SAMD12: variants seen among roughly 807,000 people sequenced by gnomAD.
SAMD12 encodes sterile alpha motif domain containing 12.
SAMD12 carries 9 observed loss-of-function variants against 15.0 expected under a neutral mutation model. The ratio of observed to expected loss-of-function variants is 0.60; its 90% CI spans 0.36 to 1.05. The LOEUF is 1.05. SAMD12 is among the 50% of genes least tolerant of loss of function. The pLI is 0.01. For synonymous variants in SAMD12, 86 were observed against 90.1 expected (o/e 0.96, Z 0.25); for missense variants, 230 against 234.2 (o/e 0.98, Z 0.12).
chr8:118,230,508 G>T (rs1179730805), intron 4 of SAMD12, among the ~76,000 whole-genome samples: 1 of 152,092 alleles, frequency 6.6e-6, no homozygotes, highest in East Asian at 1.9e-4. Flanking sequence ...CTTCCCTGGT[G>T]GGTCTGATGT....
chr8:118,415,053 G>A (rs1398899947), intron 3 of SAMD12, among the ~76,000 whole-genome samples: 1 of 152,146 alleles, frequency 6.6e-6, no homozygotes, highest in African/African-American at 2.4e-5. Context: ...ATTATCCCAG[G>A]AATAACTGGG....
intron 4 of SAMD12, among the ~76,000 whole-genome samples, chr8:118,368,392 A>C (rs532926511): frequency 6.6e-6 from 1 of 152,324 alleles, no homozygotes; most frequent in South Asian, 2.1e-4. Context: ...CGCTGAGCTC[A>C]TGGTCATAGA....
intron 2 of SAMD12, among the ~76,000 whole-genome samples, chr8:118,455,429 G>A (rs888314416): frequency 2.6e-5 from 4 of 151,826 alleles, no homozygotes; most frequent in Non-Finnish European, 5.9e-5. Flanking sequence ...TCTCTCTACC[G>A]CACTAGTTAG....
chr8:118,328,333 C>T (rs1229965991), intron 4 of SAMD12, among the ~76,000 whole-genome samples: 1 of 152,202 alleles, frequency 6.6e-6, no homozygotes, highest in Non-Finnish European at 1.5e-5. Flanking sequence ...CTCTATTACA[C>T]TGCTATTCTC....
intron 4 of SAMD12, among the ~76,000 whole-genome samples, chr8:118,216,984 C>T (rs1239452686): frequency 6.6e-6 from 1 of 152,162 alleles, no homozygotes; most frequent in East Asian, 1.9e-4. Context: ...ATCGTTTAGG[C>T]CCTTGTGGTG....
At chr8:118,214,206 G>A (rs1321947302) in intron 4 of SAMD12, among the ~76,000 whole-genome samples, 5 of 152,172 alleles carry the variant, frequency 3.3e-5, no homozygotes, top group African/African-American at 7.2e-5. Context: ...ATATCGTGTC[G>A]ATAGAATAAA....
chr8:118,246,377 A>G (rs1563713809), intron 4 of SAMD12, among the ~76,000 whole-genome samples: 3 of 152,022 alleles, frequency 2.0e-5, no homozygotes, highest in East Asian at 3.9e-4. Flanking sequence ...AGAAAGAGAC[A>G]TTTTTTCTTT....
chr8:118,550,831 A>T (rs1394994891), intron 2 of SAMD12, among the ~76,000 whole-genome samples: 1 of 151,390 alleles, frequency 6.6e-6, no homozygotes, highest in Non-Finnish European at 1.5e-5. Context: ...AGGATGGAGG[A>T]AGATCTACCA....
chr8:118,246,408 A>C (rs1812699945), intron 4 of SAMD12, among the ~76,000 whole-genome samples: 1 of 152,164 alleles, frequency 6.6e-6, no homozygotes. Flanking sequence ...ATCAGTGAAG[A>C]AACTTGTGCT....
At chr8:118,450,909 C>T (rs1823060823) in intron 2 of SAMD12, among the ~76,000 whole-genome samples, 1 of 152,098 alleles carries the variant, frequency 6.6e-6, no homozygotes, top group African/African-American at 2.4e-5. Context: ...TGTGGTCAAG[C>T]CTGACCAAAT....
intron 4 of SAMD12, among the ~76,000 whole-genome samples, chr8:118,346,455 G>C (rs1442706738): frequency 1.3e-5 from 2 of 152,106 alleles, no homozygotes; most frequent in Non-Finnish European, 2.9e-5. Context: ...TGAGCCTTCG[G>C]AACCCTAACA....
intron 4 of SAMD12, among the ~76,000 whole-genome samples, chr8:118,228,329 G>A (rs1013033114): frequency 2.6e-5 from 4 of 151,976 alleles, no homozygotes; most frequent in East Asian, 1.9e-4. Flanking sequence ...AGGAACAGTC[G>A]GCAGAGTCAA....
intron 2 of SAMD12, among the ~76,000 whole-genome samples, chr8:118,496,229 C>G (rs1429756341): frequency 6.6e-6 from 1 of 152,030 alleles, no homozygotes; most frequent in Non-Finnish European, 1.5e-5. Flanking sequence ...TCATATGGAA[C>G]AAAATAATAA....
intron 4 of SAMD12, among the ~76,000 whole-genome samples, chr8:118,271,517 GT>G (rs1037185730): frequency 7.9e-5 from 12 of 151,990 alleles, no homozygotes; most frequent in African/African-American, 2.2e-4. Flanking sequence ...CCTTTCAAGA[GT>G]CCCCCAAAGT....
At chr8:118,428,703 T>C (rs1822311069) in intron 3 of SAMD12, among the ~76,000 whole-genome samples, 1 of 152,160 alleles carries the variant, frequency 6.6e-6, no homozygotes, top group South Asian at 2.1e-4. Flanking sequence ...ACCCTTTCTC[T>C]CGTTGGATTG....
chr8:118,193,386 GC>G (rs1228969645), exon 5 of SAMD12: 1 of 152,176 alleles, frequency 6.6e-6, no homozygotes, highest in East Asian at 1.9e-4. Context: ...ATGCAATGGT[GC>G]CAGGAATCAT....
chr8:118,342,149 A>C (rs138914862), intron 4 of SAMD12, among the ~76,000 whole-genome samples: 1 of 152,216 alleles, frequency 6.6e-6, no homozygotes, highest in African/African-American at 2.4e-5. Flanking sequence ...AAAATTAGCC[A>C]GGCTTGGTGG....
At chr8:118,405,196 TA>T (rs749870398) in intron 3 of SAMD12, among the ~76,000 whole-genome samples, 3 of 152,178 alleles carry the variant, frequency 2.0e-5, no homozygotes, top group Non-Finnish European at 4.4e-5. Flanking sequence ...GAGTATCTAT[TA>T]AGCTAAATAT....
intron 2 of SAMD12, among the ~76,000 whole-genome samples, chr8:118,553,317 C>T (rs2131188559): frequency 6.6e-6 from 1 of 152,236 alleles, no homozygotes; most frequent in South Asian, 2.1e-4. Flanking sequence ...CAGCATGGTA[C>T]TGGTACCGAA....
Sources: gnomAD v4.1 joint callset for allele counts (sites outside exome capture counted in the v4.1 genomes callset) on GRCh38, gnomAD v4.1.1 for gene constraint, MANE v1.5 for transcripts, NCBI Gene and HGNC (gene_info 2026-07-23, HGNC 2026-07-21) for gene names.